CCDC171: variants seen among roughly 807,000 people sequenced by gnomAD.
CCDC171 encodes coiled-coil domain-containing protein 171.
CCDC171 carries 177 observed loss-of-function variants against 168.2 expected under a neutral mutation model. That is an observed-to-expected ratio of 1.05 (90% CI 0.93 to 1.19). The LOEUF (loss-of-function observed/expected upper bound fraction) is 1.19. Ranked by LOEUF, CCDC171 falls within the 50% of genes most tolerant of loss-of-function variation. The probability of loss-of-function intolerance (pLI) is 0.00; values close to 1 mark genes in which losing one functional copy is unlikely to be tolerated. For missense variants in CCDC171, 1,991 were observed against 1,539.0 expected, an observed-to-expected ratio of 1.29 and a Z score of -4.91; for synonymous variants, 687 against 540.8, an observed-to-expected ratio of 1.27 and a Z score of -3.75.
chr9:15,959,960 C>G (rs954828514), intron 25 of CCDC171, among the ~76,000 whole-genome samples: 1 of 152,114 alleles, frequency 6.6e-6, no homozygotes, highest in Non-Finnish European at 1.5e-5. Context: ...GAGCTATCAC[C>G]CATATGACCT....
chr9:15,726,592 C>G (rs1456949056), intron 14 of CCDC171, among the ~76,000 whole-genome samples: 6 of 151,948 alleles, frequency 3.9e-5, no homozygotes, highest in African/African-American at 1.2e-4. Context: ...GTTGTTGTAA[C>G]TACATTTTCA....
chr9:15,867,060 C>G (rs2061819720), intron 23 of CCDC171, among the ~76,000 whole-genome samples: 1 of 151,940 alleles, frequency 6.6e-6, no homozygotes, highest in African/African-American at 2.4e-5. Flanking sequence ...GAGGAGAAAG[C>G]CTAAATTCAG....
At chr9:15,611,787 A>G (rs771696580) in intron 6 of CCDC171, among the ~76,000 whole-genome samples, 3 of 152,162 alleles carry the variant, frequency 2.0e-5, no homozygotes, top group Non-Finnish European at 4.4e-5. Flanking sequence ...GAGGCTTCCA[A>G]CAATGCTCCT....
At chr9:15,721,969 T>A (rs2053512007) in intron 12 of CCDC171, 94 bp downstream of exon 12, 2 of 499,226 alleles carry the variant, frequency 4.0e-6, no homozygotes, top group Non-Finnish European at 6.9e-6. Flanking sequence ...AGATTGGGAA[T>A]GTTGAACTGA....
At chr9:15,899,768 A>G (rs905613303) in intron 24 of CCDC171, among the ~76,000 whole-genome samples, 1 of 152,018 alleles carries the variant, frequency 6.6e-6, no homozygotes, top group African/African-American at 2.4e-5. Context: ...AAACTATCAG[A>G]TGTGTGGTTT....
the CCDC171 span, among the ~76,000 whole-genome samples, chr9:16,084,573 A>G: frequency 2.6e-5 from 4 of 152,330 alleles, no homozygotes; most frequent in East Asian, 7.7e-4. Context: ...AGAGCTAGAA[A>G]GTATACTATT....
At chr9:15,643,278 T>A (rs573737682) in intron 7 of CCDC171, among the ~76,000 whole-genome samples, 58 of 152,252 alleles carry the variant, frequency 3.8e-4, no homozygotes, top group Non-Finnish European at 8.1e-4. Flanking sequence ...GAAAACTGAC[T>A]TCAGTTCTTT....
chr9:15,609,340 C>G (rs937154905), intron 6 of CCDC171, among the ~76,000 whole-genome samples: 2 of 152,050 alleles, frequency 1.3e-5, no homozygotes, highest in African/African-American at 4.8e-5. Flanking sequence ...AACTCCTGAC[C>G]TCAGGTGATC....
chr9:15,655,402 C>T (rs538063009), intron 7 of CCDC171, among the ~76,000 whole-genome samples: 5 of 152,176 alleles, frequency 3.3e-5, no homozygotes, highest in East Asian at 1.9e-4. Flanking sequence ...TTTTCTGTCC[C>T]GAACAGATTC....
chr9:15,594,954 A>G (rs962658542), intron 6 of CCDC171, among the ~76,000 whole-genome samples: 1 of 152,084 alleles, frequency 6.6e-6, no homozygotes, highest in Non-Finnish European at 1.5e-5. Context: ...TTTTGTGATA[A>G]CACAATGTGT....
At chr9:15,919,140 T>G (rs763515470) in intron 24 of CCDC171, among the ~76,000 whole-genome samples, 11 of 151,600 alleles carry the variant, frequency 7.3e-5, no homozygotes, top group Non-Finnish European at 1.5e-4. Flanking sequence ...AACACTGCCT[T>G]TTTTGGGCTC....
At chr9:16,051,307 A>G (rs1833745746) in intron 1 of CCDC171, among the ~76,000 whole-genome samples, 1 of 152,148 alleles carries the variant, frequency 6.6e-6, no homozygotes, top group Non-Finnish European at 1.5e-5. Context: ...TTCCTTATCC[A>G]AAACAGTGTC....
At chr9:15,578,182 G>A (rs1017179299) in intron 3 of CCDC171, among the ~76,000 whole-genome samples, 1 of 151,628 alleles carries the variant, frequency 6.6e-6, no homozygotes, top group African/African-American at 2.4e-5. Context: ...TAAGTGCTTA[G>A]TATGTATCAT....
At chr9:15,956,848 GT>G (rs1442447474) in intron 25 of CCDC171, among the ~76,000 whole-genome samples, 1 of 151,918 alleles carries the variant, frequency 6.6e-6, no homozygotes, top group Non-Finnish European at 1.5e-5. Context: ...GCTTTTACTT[GT>G]CAGATGCCCC....
intron 3 of CCDC171, among the ~76,000 whole-genome samples, chr9:16,012,595 T>C (rs1240224453): frequency 3.9e-5 from 3 of 77,670 alleles, no homozygotes; most frequent in African/African-American, 1.4e-4. Flanking sequence ...GAATTCGTTA[T>C]GGATTGCTGG....
In CCDC171 at chr9:15,563,975, C is replaced by G. The variant is rs900044773; in HGVS notation, c.-111-3C>G. 2.7e-6 allele frequency: 2 copies of G among 748,748 alleles called. No individual in the cohort carries two copies. Among genetic ancestry groups the G allele is most frequent in the Non-Finnish European group, 4.6e-6 (2 of 435,670 alleles). The allele number at this position is 748,748 out of a possible 1,614,324, so 46.4% of individuals were successfully genotyped here. ...GCTATTGTATCATTTACTATTTTAA[C>G]AGACCTCAAATCATCTAACGTGAAG... On this transcript the variant is annotated splice_region_variant and splice_polypyrimidine_tract_variant and intron_variant, in intron 1 of 25. Coordinates refer to ENST00000380701, the MANE Select transcript of CCDC171 (RefSeq NM_173550.4).
intron 9 of CCDC171, among the ~76,000 whole-genome samples, chr9:15,668,917 A>G (rs2048916552): frequency 6.6e-6 from 1 of 152,174 alleles, no homozygotes; most frequent in Admixed American, 6.5e-5. Context: ...CAAATAGAGA[A>G]TTGATAGATT....
At chr9:15,690,602 A>G (rs1487851637) in intron 10 of CCDC171, among the ~76,000 whole-genome samples, 1 of 152,148 alleles carries the variant, frequency 6.6e-6, no homozygotes, top group East Asian at 1.9e-4. Context: ...TCTTGGAGTA[A>G]AAGGAAAATA....
intron 6 of CCDC171, among the ~76,000 whole-genome samples, chr9:15,605,416 A>T (rs2043144894): frequency 6.6e-6 from 1 of 150,990 alleles, no homozygotes; most frequent in Admixed American, 6.6e-5. Context: ...AGAGTGGCTC[A>T]TGCTTGTAAT....
Sources: allele counts gnomAD v4.1 joint callset (sites outside exome capture counted in the v4.1 genomes callset), GRCh38; gene constraint gnomAD v4.1.1; transcripts MANE v1.5; gene names NCBI Gene and HGNC (gene_info 2026-07-23, HGNC 2026-07-21).